The following ZFHX3 variants were observed in gnomAD, a reference collection of about 807,000 sequenced individuals.
The protein encoded by ZFHX3 is zinc finger homeobox protein 3.
ZFHX3 carries 42 observed loss-of-function variants against 279.1 expected under a neutral mutation model. The ratio of observed to expected loss-of-function variants is 0.15; its 90% CI spans 0.12 to 0.19. ZFHX3 has a LOEUF of 0.19. Ranked by LOEUF, ZFHX3 falls within the 10% of genes least tolerant of loss-of-function variation. The probability of loss-of-function intolerance (pLI) is 1.00; values close to 1 mark genes in which losing one functional copy is unlikely to be tolerated. For missense variants in ZFHX3, 4,981 were observed against 4,754.0 expected (o/e 1.05, Z -1.40); for synonymous variants, 2,293 against 1,957.8 (o/e 1.17, Z -4.52).
chr16:73,792,371 T>A (rs1019797700), intron 1 of ZFHX3, among the ~76,000 whole-genome samples: 1 of 151,914 alleles, frequency 6.6e-6, no homozygotes. Flanking sequence ...CACAAAAATA[T>A]CTAGGCAGCA....
chr16:73,007,454 T>A (rs1265911257), intron 1 of ZFHX3, among the ~76,000 whole-genome samples: 1 of 152,188 alleles, frequency 6.6e-6, no homozygotes, highest in South Asian at 2.1e-4. Context: ...GTTTTTTGTT[T>A]TTGTTTTTTT....
At chr16:73,301,934 G>A (rs568881299) in intron 4 of ZFHX3, among the ~76,000 whole-genome samples, 127 of 152,098 alleles carry the variant, frequency 8.3e-4, no homozygotes, top group Non-Finnish European at 1.5e-3. Context: ...TGGGTGCTGC[G>A]GCAACCACAA....
At chr16:73,695,721 A>G (rs2053191676) in intron 1 of ZFHX3, among the ~76,000 whole-genome samples, 1 of 152,172 alleles carries the variant, frequency 6.6e-6, no homozygotes, top group Non-Finnish European at 1.5e-5. Context: ...ATGCGATAAG[A>G]TGGCCTTTGT....
chr16:73,544,438 C>T (rs2020075790), intron 2 of ZFHX3, among the ~76,000 whole-genome samples: 1 of 152,174 alleles, frequency 6.6e-6, no homozygotes, highest in Non-Finnish European at 1.5e-5. Flanking sequence ...TCAGCGACAG[C>T]CAAGCAGGAA....
chr16:73,710,217 A>C (rs1440512617), intron 1 of ZFHX3, among the ~76,000 whole-genome samples: 1 of 152,190 alleles, frequency 6.6e-6, no homozygotes, highest in Non-Finnish European at 1.5e-5. Flanking sequence ...AATAAAAATT[A>C]AATAAATGAA....
At chr16:73,084,688 T>C (rs1378252488) in intron 8 of ZFHX3, among the ~76,000 whole-genome samples, 4 of 151,962 alleles carry the variant, frequency 2.6e-5, no homozygotes, top group Non-Finnish European at 5.9e-5. Context: ...CGGCTAATTT[T>C]GTTTTGTATT....
At chr16:72,862,485 G>A (rs1019350355) in intron 4 of ZFHX3, among the ~76,000 whole-genome samples, 7 of 152,222 alleles carry the variant, frequency 4.6e-5, no homozygotes, top group African/African-American at 1.7e-4. Flanking sequence ...CAGCTAATAA[G>A]TGAAGAAATA....
At chr16:72,824,324 C>T (rs1290217081) in intron 5 of ZFHX3, among the ~76,000 whole-genome samples, 1 of 152,142 alleles carries the variant, frequency 6.6e-6, no homozygotes. Flanking sequence ...TAGCAATCTT[C>T]TATAGATTCA....
At chr16:73,124,732 T>C (rs1966541518) in intron 7 of ZFHX3, among the ~76,000 whole-genome samples, 1 of 152,046 alleles carries the variant, frequency 6.6e-6, no homozygotes, top group Non-Finnish European at 1.5e-5. Flanking sequence ...AGAGAGAGTG[T>C]AGCGCACTGG....
Position 72,794,714 on chromosome 16 carries a change from G to T in ZFHX3, c.7968C>A (p.Leu2656=), listed in dbSNP as rs899132693. 1 of 1,614,230 alleles carries T rather than the reference G, an allele frequency of 6.2e-7. No individual in the cohort carries two copies. The highest frequency in any genetic ancestry group is 8.5e-7 in the Non-Finnish European group (1 of 1,180,038). ...TGGAATCCAGTAGATACTTCTGGTAGAGAATTTCTAGTTGTTCCGGTGTGA... is the reference window on the plus strand; with the variant it reads ...TGGAATCCAGTAGATACTTCTGGTATAGAATTTCTAGTTGTTCCGGTGTGA... ...TTITPEQLEI[L]YQKYLLDSNP... is the part of the protein sequence containing the mutation. Residue 2656 remains leucine, a synonymous_variant, in exon 9 of 10, where the codon CTC becomes CTA. Transcript: ENST00000268489. This position sits in a 1 kb window ranked among gnomAD's most constrained non-coding sequence, Gnocchi z 4.2.
At chr16:73,145,886 C>A (rs1039350688) in intron 5 of ZFHX3, among the ~76,000 whole-genome samples, 1 of 152,180 alleles carries the variant, frequency 6.6e-6, no homozygotes, top group African/African-American at 2.4e-5. Context: ...AAAAAGAAGG[C>A]AATCAATGTG....
At position 72,958,840 on chromosome 16, in the gene ZFHX3, A is replaced by G. The variant is rs762148721; in HGVS notation, c.1306T>C (p.Ser436Pro). The G allele has an allele frequency of 3.1e-6, 5 of 1,613,856 alleles. No homozygotes were observed. Among genetic ancestry groups the G allele is most frequent in the Non-Finnish European group, 4.2e-6 (5 of 1,180,004 alleles). The change falls in exon 2 of 10, where the codon TCT (serine) becomes CCT (proline). Residue 436 changes from serine (S) to proline (P), a missense_variant. Physicochemically the swap from Ser to Pro is moderately conservative, Grantham distance 74. Coordinates refer to ENST00000268489, the MANE Select transcript of ZFHX3 (RefSeq NM_006885.4). The stretch of plus-strand genomic sequence containing the variant: ...TGCTTCTCTCCTTCTGCCGCCCCAG[A>G]GTCCTTGCCCTCTGAGGATTTGGTA... ...SPTKSSEGKD[S>P]GAAEGEKQEV...
chr16:73,196,566 T>C (rs1057197074), intron 5 of ZFHX3, among the ~76,000 whole-genome samples: 2 of 151,780 alleles, frequency 1.3e-5, no homozygotes, highest in African/African-American at 4.8e-5. Flanking sequence ...TCAACAGTAG[T>C]GTCCATCCTG....
chr16:73,451,465 C>G (rs1258846453), intron 3 of ZFHX3, among the ~76,000 whole-genome samples: 3 of 152,160 alleles, frequency 2.0e-5, no homozygotes, highest in Non-Finnish European at 2.9e-5. Flanking sequence ...CTGAAGGCAT[C>G]TAGTCAACGC....
intron 3 of ZFHX3, among the ~76,000 whole-genome samples, chr16:72,919,045 C>T (rs1398087719): frequency 6.6e-6 from 1 of 151,958 alleles, no homozygotes; most frequent in Non-Finnish European, 1.5e-5. Flanking sequence ...TCAGTGTGTT[C>T]CCTAAATGCG....
chr16:73,745,986 T>C (rs1383812174), intron 1 of ZFHX3, among the ~76,000 whole-genome samples: 1 of 152,226 alleles, frequency 6.6e-6, no homozygotes, highest in Admixed American at 6.5e-5. Context: ...TGAATGTTAC[T>C]TGTGGAAATC....
intron 3 of ZFHX3, among the ~76,000 whole-genome samples, chr16:73,349,641 CCTCCCTCTCTCCCTCCTTCCCTCT>C (rs1253410985): frequency 2.8e-5 from 1 of 36,236 alleles, no homozygotes; most frequent in African/African-American, 7.7e-5. Context: ...TCCCTCCCTC[CCTCCCTCTCTCCCTCCTTCCCTCT>C]CTCCCTCCTT....
chr16:73,711,523 A>G (rs114804954), intron 1 of ZFHX3, among the ~76,000 whole-genome samples: 5,360 of 152,224 alleles, frequency 0.035, 310 homozygotes, highest in African/African-American at 0.12. Context: ...AGTTGACTCC[A>G]TATGTTGGAG....
chr16:73,269,262 C>A (rs1284292692), intron 4 of ZFHX3, among the ~76,000 whole-genome samples: 1 of 152,198 alleles, frequency 6.6e-6, no homozygotes, highest in East Asian at 1.9e-4. Context: ...ACCACCACCA[C>A]CACCAGGGAG....
Sources: allele counts gnomAD v4.1 joint callset (sites outside exome capture counted in the v4.1 genomes callset), GRCh38; gene constraint gnomAD v4.1.1; non-coding constraint Gnocchi (gnomAD v3.1); transcripts MANE v1.5; gene names NCBI Gene and HGNC (gene_info 2026-07-23, HGNC 2026-07-21).